LRRK2: variants seen among roughly 807,000 people sequenced by gnomAD.
LRRK2 encodes the protein leucine-rich repeat serine/threonine-protein kinase 2.
LRRK2 carries 203 observed loss-of-function variants against 302.6 expected under a neutral mutation model. That is an observed-to-expected ratio of 0.67 (90% CI 0.60 to 0.75). The LOEUF (loss-of-function observed/expected upper bound fraction) is 0.75, where lower values mean the gene tolerates loss of function less well. Ranked by LOEUF, LRRK2 falls within the 30% of genes least tolerant of loss-of-function variation. LRRK2 has a pLI of 0.00. For synonymous variants in LRRK2, 1,066 were observed against 1,031.9 expected (o/e 1.03, Z -0.63); for missense variants, 2,830 against 2,951.0 (o/e 0.96, Z 0.95).
intron 40 of LRRK2, among the ~76,000 whole-genome samples, chr12:40,337,551 G>T (rs934072990): frequency 6.6e-6 from 1 of 151,970 alleles, no homozygotes. Context: ...ACCTTCCCCC[G>T]AAAGCAAGTA....
chr12:40,346,974 C>A lies in LRRK2; in HGVS notation c.6280+51C>A, dbSNP rs746387886. On this transcript the variant is annotated intron_variant, in intron 42 of 50. Coordinates refer to ENST00000298910, the MANE Select transcript of LRRK2 (RefSeq NM_198578.4). ...AGATTTTTTTTCTTAATATCAGCAG[C>A]TTCATTTTTATTTAATTGTAGTTGT... 5.5e-6 allele frequency: 8 copies of A among 1,466,956 alleles called. No individual in the cohort carries two copies. In the Admixed American group the frequency reaches 1.2e-4, roughly 22 times the overall value. The allele number at this position is 1,466,956 out of a possible 1,614,324, so 90.9% of individuals were successfully genotyped here.
chr12:40,301,453 G>A (rs1367793805), intron 25 of LRRK2, among the ~76,000 whole-genome samples: 1 of 152,002 alleles, frequency 6.6e-6, no homozygotes, highest in Non-Finnish European at 1.5e-5. Context: ...TAAATCCCAT[G>A]TAAAATAAAG....
intron 14 of LRRK2, among the ~76,000 whole-genome samples, chr12:40,267,106 A>G (rs1014016762): frequency 1.3e-5 from 2 of 152,200 alleles, no homozygotes; most frequent in Admixed American, 1.3e-4. Flanking sequence ...CACGTTGTGC[A>G]CATCTACCCT....
chr12:40,231,496 C>T (rs1941182941), intron 2 of LRRK2, among the ~76,000 whole-genome samples: 1 of 146,318 alleles, frequency 6.8e-6, no homozygotes, highest in Admixed American at 6.9e-5. Flanking sequence ...GAGTTCTAGG[C>T]TGCAGTGATC....
In LRRK2 at chr12:40,287,431, G is replaced by A. The variant is rs781598112; in HGVS notation, c.2581G>A (p.Asp861Asn). Reference protein sequence around the residue: ...AVEEGTASGSDGNFSEDVLSK... With the variant: ...AVEEGTASGSNGNFSEDVLSK... Reference sequence around the variant, plus strand: ...GGAAGAAGGAACAGCCTCAGGCAGCGATGGAAATTTTTCTGAAGATGTGCT... The same window carrying A: ...GGAAGAAGGAACAGCCTCAGGCAGCAATGGAAATTTTTCTGAAGATGTGCT... The change falls in exon 20 of 51, where the codon GAT becomes AAT. Residue 861 changes from aspartate (D) to asparagine (N), a missense_variant. Transcript: ENST00000298910. 7 of 1,612,686 alleles carry A rather than the reference G, an allele frequency of 4.3e-6. No homozygotes were observed. The Admixed American group carries it at 8.4e-5, about 19-fold the overall frequency.
Position 40,284,032 on chromosome 12 carries a change from A to G in LRRK2, c.2399A>G (p.Asn800Ser). The part of the protein sequence containing the change: ...LLRRLALDVA[N>S]NSICLGGFCI... Reference sequence around the variant, plus strand: ...AGGAGGCTGGCCCTGGATGTGGCCAACAATAGCATTTGCCTTGGAGGATTT... The same window carrying G: ...AGGAGGCTGGCCCTGGATGTGGCCAGCAATAGCATTTGCCTTGGAGGATTT... Residue 800 changes from asparagine to serine, a missense_variant, in exon 19 of 51, where the codon AAC becomes AGC. Transcript: ENST00000298910. 1 of 1,613,936 alleles carries G rather than the reference A, an allele frequency of 6.2e-7. No individual in the cohort carries two copies.
intron 1 of LRRK2, 78 bp downstream of exon 1, chr12:40,225,360 C>G: frequency 6.5e-7 from 1 of 1,532,192 alleles, no homozygotes; most frequent in African/African-American, 1.4e-5. Flanking sequence ...TTTTGTCCTC[C>G]TCCCCTTGAC....
At chr12:40,359,117 G>T in intron 46 of LRRK2, 143 bp from the exon 47 acceptor site, 1 of 708,370 alleles carries the variant, frequency 1.4e-6, no homozygotes, top group Non-Finnish European at 2.3e-6. Flanking sequence ...TTTTTTAATG[G>T]AATCTTTAGG....
chr12:40,360,464 A>C (rs1180988857), intron 47 of LRRK2, among the ~76,000 whole-genome samples: 1 of 151,956 alleles, frequency 6.6e-6, no homozygotes, highest in East Asian at 1.9e-4. Flanking sequence ...TGTACTTCTC[A>C]CTGTTCTCAG....
At chr12:40,303,887 G>A in intron 26 of LRRK2, 61 bp from the exon 27 acceptor site, 1 of 1,502,412 alleles carries the variant, frequency 6.7e-7, no homozygotes, top group Non-Finnish European at 9.3e-7. Flanking sequence ...TATTTGTGAT[G>A]TTATTTCATG....
At chr12:40,248,695 G>A (rs1045680172) in intron 7 of LRRK2, among the ~76,000 whole-genome samples, 5 of 152,108 alleles carry the variant, frequency 3.3e-5, no homozygotes, top group South Asian at 2.1e-4. Context: ...AATTTGCTAC[G>A]TATTTTCACA....
rs185995265 is a variant in LRRK2, at chr12:40,256,088, C to G, written c.1289-1160C>G. 2.0e-5 allele frequency among the ~76,000 whole-genome samples: 3 copies of G among 152,252 alleles called. No individual in the cohort carries two copies. In the East Asian group the frequency reaches 5.8e-4, roughly 29 times the overall value. On this transcript the variant is annotated intron_variant, in intron 11 of 50. Transcript: ENST00000298910. Reference sequence around the variant, plus strand: ...TGATATTTTTATAGCGGCTTCAAGACAATTGATATTTATGTGGAAACTTGA... The same window carrying G: ...TGATATTTTTATAGCGGCTTCAAGAGAATTGATATTTATGTGGAAACTTGA...
At position 40,299,287 on chromosome 12, in the gene LRRK2, C is replaced by A. The variant is rs1206891571; in HGVS notation, c.3496+30C>A. On this transcript the variant is annotated intron_variant, in intron 25 of 50. Transcript: ENST00000298910. ...GTGTTCTGTGTGGGTCTCCTCCTTA[C>A]CAGGCCCTCTAAGTTGTACAAGATG... The A allele has an allele frequency of 1.9e-6, 3 of 1,611,120 alleles. No individual in the cohort carries two copies. In the Admixed American group the frequency reaches 5.0e-5, roughly 27 times the overall value.
intron 41 of LRRK2, among the ~76,000 whole-genome samples, chr12:40,342,137 G>A (rs10506155): frequency 0.25 from 37,889 of 152,078 alleles, 5,696 homozygotes; most frequent in Middle Eastern, 0.4. Context: ...TGCTTAATTG[G>A]ACAGTGGATC....
intron 14 of LRRK2, among the ~76,000 whole-genome samples, chr12:40,270,535 T>C (rs2136580209): frequency 6.6e-6 from 1 of 152,272 alleles, no homozygotes; most frequent in South Asian, 2.1e-4. Flanking sequence ...GGTTGTAAAA[T>C]ATTGTTTTTT....
At chr12:40,259,093 A>C (rs1240961401) in intron 12 of LRRK2, among the ~76,000 whole-genome samples, 1 of 152,198 alleles carries the variant, frequency 6.6e-6, no homozygotes, top group African/African-American at 2.4e-5. Context: ...GGGTCAGACA[A>C]GTTTGGGTAC....
chr12:40,258,695 G>A (rs900579133), intron 12 of LRRK2, among the ~76,000 whole-genome samples: 1 of 152,150 alleles, frequency 6.6e-6, no homozygotes, highest in African/African-American at 2.4e-5. Flanking sequence ...TGTAAAAGAC[G>A]CAATGGTAAG....
At position 40,293,182 on chromosome 12, in the gene LRRK2, AT is replaced by A. The variant is rs577346492; in HGVS notation, c.2690-360del. Among the ~76,000 whole-genome samples, 9 of 152,140 alleles carry A rather than the reference AT, an allele frequency of 5.9e-5. No individual in the cohort carries two copies. In the South Asian group the frequency reaches 1.9e-3, roughly 31 times the overall value. On this transcript the variant is annotated intron_variant, in intron 20 of 50. Transcript: ENST00000298910. ...ATACAAACTTTCTGCACACACATAT[AT>A]TTGTTATAACTTATGTAACCGTTGA...
Position 40,237,856 on chromosome 12 carries a change from A to T in LRRK2, c.437-113A>T, listed in dbSNP as rs892823711. ...AAACAAACAAACAAACAAGAAAACCATGGGTCTACAAACCATTCACAGTCT... is the reference window on the plus strand; with the variant it reads ...AAACAAACAAACAAACAAGAAAACCTTGGGTCTACAAACCATTCACAGTCT... On this transcript the variant is annotated intron_variant, in intron 4 of 50. Coordinates refer to ENST00000298910, the MANE Select transcript of LRRK2 (RefSeq NM_198578.4). The T allele has an allele frequency of 1.5e-5, 17 of 1,121,244 alleles. No individual in the cohort carries two copies. The African/African-American group carries it at 2.6e-4, about 17-fold the overall frequency. 69.5% of individuals were successfully genotyped at this position (1,121,244 alleles called of 1,614,324 possible). A position where few individuals can be genotyped will look rare whatever the true frequency, so the allele number is the denominator to read the frequency against.
Sources: allele counts gnomAD v4.1 joint callset (sites outside exome capture counted in the v4.1 genomes callset), GRCh38; gene constraint gnomAD v4.1.1; transcripts MANE v1.5; gene names NCBI Gene and HGNC (gene_info 2026-07-23, HGNC 2026-07-21).